GLIS3: variants seen among roughly 807,000 people sequenced by gnomAD.
The protein encoded by GLIS3 is zinc finger protein GLIS3.
GLIS3 carries 53 observed loss-of-function variants against 78.6 expected under a neutral mutation model. The observed-to-expected ratio is 0.67, with a 90% CI of 0.54 to 0.85. The LOEUF (loss-of-function observed/expected upper bound fraction) is 0.85. Ranked by LOEUF, GLIS3 falls within the 40% of genes least tolerant of loss-of-function variation. GLIS3 has a pLI of 0.00. For synonymous variants in GLIS3, 684 were observed against 509.9 expected (o/e 1.34, Z -4.60); for missense variants, 1,703 against 1,231.1 (o/e 1.38, Z -5.74).
At chr9:4,135,100 G>C (rs1030430705) in intron 2 of GLIS3, among the ~76,000 whole-genome samples, 7 of 152,080 alleles carry the variant, frequency 4.6e-5, no homozygotes, top group African/African-American at 1.7e-4. Flanking sequence ...ATTATGTTAG[G>C]AATTACGGCA....
intron 4 of GLIS3, among the ~76,000 whole-genome samples, chr9:4,043,478 G>T (rs1825000286): frequency 6.6e-6 from 1 of 151,988 alleles, no homozygotes; most frequent in Non-Finnish European, 1.5e-5. Context: ...TGACTGGCAG[G>T]CTGAAGGCTC....
chr9:4,148,951 T>TCCAAACTGTTTGACTTCTCACCTTTC (rs1834448584), intron 2 of GLIS3, among the ~76,000 whole-genome samples: 2 of 152,022 alleles, frequency 1.3e-5, no homozygotes, highest in African/African-American at 4.8e-5. Context: ...CAGAACCTTT[T>TCCAAACTGTTTGACTTCTCACCTTTC]CCAAACTGTT....
intron 4 of GLIS3, among the ~76,000 whole-genome samples, chr9:4,007,237 A>G (rs1370879676): frequency 2.6e-5 from 4 of 152,064 alleles, no homozygotes; most frequent in Non-Finnish European, 5.9e-5. Flanking sequence ...AATAGGGGGG[A>G]CATCAGGATT....
chr9:3,929,100 C>T (rs189352223), intron 6 of GLIS3, among the ~76,000 whole-genome samples: 1 of 152,280 alleles, frequency 6.6e-6, no homozygotes, highest in Admixed American at 6.5e-5. Context: ...CTGCCCTTTG[C>T]TCTATAGGCG....
upstream of GLIS3, among the ~76,000 whole-genome samples, chr9:4,349,493 A>G (rs1201950205): frequency 6.6e-6 from 1 of 152,204 alleles, no homozygotes; most frequent in Non-Finnish European, 1.5e-5. Context: ...ATGAGTAGAA[A>G]AAGAGAATGG....
intron 4 of GLIS3, among the ~76,000 whole-genome samples, chr9:3,969,945 G>T (rs1171340432): frequency 6.6e-6 from 1 of 152,182 alleles, no homozygotes; most frequent in African/African-American, 2.4e-5. Flanking sequence ...GGCAAATCTT[G>T]CAACTTGGTG....
At chr9:4,153,099 C>G (rs1834804190) in intron 2 of GLIS3, among the ~76,000 whole-genome samples, 1 of 152,072 alleles carries the variant, frequency 6.6e-6, no homozygotes, top group Non-Finnish European at 1.5e-5. Context: ...TGGTGACAAC[C>G]AAAATTAAAC....
intron 2 of GLIS3, among the ~76,000 whole-genome samples, chr9:4,153,207 C>G (rs1259732362): frequency 6.6e-6 from 1 of 152,214 alleles, no homozygotes; most frequent in Non-Finnish European, 1.5e-5. Context: ...TCCTTATTCA[C>G]TACCTTGACA....
chr9:4,216,166 C>T (rs1423727197), intron 2 of GLIS3, among the ~76,000 whole-genome samples: 2 of 151,892 alleles, frequency 1.3e-5, no homozygotes, highest in Non-Finnish European at 2.9e-5. Context: ...AAATTAATTT[C>T]ATGCAAGAAG....
At chr9:4,017,794 A>G (rs1156761710) in intron 4 of GLIS3, among the ~76,000 whole-genome samples, 1 of 152,196 alleles carries the variant, frequency 6.6e-6, no homozygotes, top group Non-Finnish European at 1.5e-5. Context: ...TTTCAACAAT[A>G]TTGAAGGACG....
At chr9:3,959,269 G>GC (rs1817375513) in intron 4 of GLIS3, among the ~76,000 whole-genome samples, 1 of 152,200 alleles carries the variant, frequency 6.6e-6, no homozygotes, top group Non-Finnish European at 1.5e-5. Flanking sequence ...CGGAGTGGGT[G>GC]CTGTCCATCA....
At chr9:3,879,820 G>T (rs777481611) in intron 7 of GLIS3, among the ~76,000 whole-genome samples, 1 of 152,106 alleles carries the variant, frequency 6.6e-6, no homozygotes, top group African/African-American at 2.4e-5. Context: ...GATGTTCACG[G>T]TCTGTCTCCT....
chr9:4,329,790 A>T (rs1480204642), intron 2 of GLIS3, among the ~76,000 whole-genome samples: 1 of 152,190 alleles, frequency 6.6e-6, no homozygotes, highest in East Asian at 1.9e-4. Flanking sequence ...TTTACAACGT[A>T]TTAATACTGT....
At chr9:4,445,095 A>T in the GLIS3 span, among the ~76,000 whole-genome samples, 3 of 152,180 alleles carry the variant, frequency 2.0e-5, no homozygotes, top group Admixed American at 2.0e-4. Context: ...AAAGACGGAA[A>T]TTCAAGCACG....
At chr9:3,949,703 T>A (rs1239214687) in intron 4 of GLIS3, among the ~76,000 whole-genome samples, 1 of 152,238 alleles carries the variant, frequency 6.6e-6, no homozygotes, top group Non-Finnish European at 1.5e-5. Context: ...TAATACATAT[T>A]AGGTGCTCAA....
At chr9:4,049,997 G>A (rs928161901) in intron 4 of GLIS3, among the ~76,000 whole-genome samples, 1 of 152,140 alleles carries the variant, frequency 6.6e-6, no homozygotes, top group Admixed American at 6.5e-5. Context: ...TACACTGTTG[G>A]TGGGACTGTA....
chr9:4,278,512 A>G (rs1285763324), intron 2 of GLIS3, among the ~76,000 whole-genome samples: 1 of 152,214 alleles, frequency 6.6e-6, no homozygotes, highest in East Asian at 1.9e-4. Flanking sequence ...AAGAATAATG[A>G]TGGTAATGAA....
At chr9:4,062,221 C>T (rs953435486) in intron 4 of GLIS3, among the ~76,000 whole-genome samples, 2 of 152,182 alleles carry the variant, frequency 1.3e-5, no homozygotes, top group South Asian at 2.1e-4. Flanking sequence ...TGTGCCTTAG[C>T]GACTAATTTA....
intron 2 of GLIS3, among the ~76,000 whole-genome samples, chr9:4,338,750 A>C (rs1411356191): frequency 1.3e-5 from 2 of 152,202 alleles, no homozygotes; most frequent in African/African-American, 4.8e-5. Context: ...GCAAGTAGAA[A>C]GTAGAGGAAC....
Sources: allele counts gnomAD v4.1 joint callset (sites outside exome capture counted in the v4.1 genomes callset), GRCh38; gene constraint gnomAD v4.1.1; transcripts MANE v1.5; gene names NCBI Gene and HGNC (gene_info 2026-07-23, HGNC 2026-07-21).